Variants in STXBP5L observed in about 807,000 individuals in gnomAD.
STXBP5L encodes syntaxin-binding protein 5-like.
In STXBP5L, 65 loss-of-function variants were observed where a neutral mutation model predicts 144.5. That is an observed-to-expected ratio of 0.45 (90% CI 0.37 to 0.55). STXBP5L has a LOEUF of 0.55. Among genes scored for constraint, STXBP5L ranks in the 20% least tolerant of loss-of-function variants. The probability of loss-of-function intolerance (pLI) is 0.00; values close to 1 mark genes in which losing one functional copy is unlikely to be tolerated. For missense variants in STXBP5L, 1,298 were observed against 1,405.5 expected, an observed-to-expected ratio of 0.92 and a Z score of 1.22; for synonymous variants, 505 against 469.6, an observed-to-expected ratio of 1.08 and a Z score of -0.97.
chr3:121,398,492 T>C (rs1256201326), intron 22 of STXBP5L, among the ~76,000 whole-genome samples: 2 of 152,252 alleles, frequency 1.3e-5, no homozygotes, highest in Non-Finnish European at 2.9e-5. Context: ...CGGGTTCCCA[T>C]CTTTATCAAA....
chr3:121,295,677 C>T (rs1405800775), intron 19 of STXBP5L, among the ~76,000 whole-genome samples: 1 of 151,996 alleles, frequency 6.6e-6, no homozygotes, highest in East Asian at 1.9e-4. Flanking sequence ...AACATTGTAC[C>T]CCAGGGATAT....
At chr3:121,343,849 A>G (rs978002398) in intron 20 of STXBP5L, among the ~76,000 whole-genome samples, 1 of 152,148 alleles carries the variant, frequency 6.6e-6, no homozygotes, top group African/African-American at 2.4e-5. Context: ...ATTCAATGCC[A>G]TCCCCATCAG....
chr3:120,962,116 G>A (rs1938910170), intron 3 of STXBP5L, among the ~76,000 whole-genome samples: 4 of 150,896 alleles, frequency 2.7e-5, no homozygotes, highest in African/African-American at 7.4e-5. Context: ...CTTTTCGATG[G>A]GGTTGTTTGT....
At chr3:120,951,290 A>G (rs985978318) in intron 2 of STXBP5L, among the ~76,000 whole-genome samples, 1 of 152,210 alleles carries the variant, frequency 6.6e-6, no homozygotes, top group African/African-American at 2.4e-5. Context: ...AACAAAAGCC[A>G]AAATTGACAA....
intron 5 of STXBP5L, among the ~76,000 whole-genome samples, chr3:121,112,652 C>T (rs2044044150): frequency 6.6e-6 from 1 of 151,442 alleles, no homozygotes; most frequent in South Asian, 2.1e-4. Flanking sequence ...AAGAGTTATT[C>T]GGTGAAGATT....
intron 3 of STXBP5L, among the ~76,000 whole-genome samples, chr3:121,007,687 A>G (rs79405314): frequency 0.12 from 18,227 of 152,020 alleles, 1,145 homozygotes; most frequent in Non-Finnish European, 0.14. Flanking sequence ...TGTTGTTTAC[A>G]TAGGCAGAAT....
At chr3:121,291,771 C>T (rs1437287123) in intron 19 of STXBP5L, among the ~76,000 whole-genome samples, 1 of 151,924 alleles carries the variant, frequency 6.6e-6, no homozygotes, top group Non-Finnish European at 1.5e-5. Context: ...GCAGCCAACT[C>T]ATCAACAAAG....
chr3:121,297,802 T>C (rs1034079940), intron 19 of STXBP5L, among the ~76,000 whole-genome samples: 3 of 152,116 alleles, frequency 2.0e-5, no homozygotes, highest in Admixed American at 1.3e-4. Flanking sequence ...TGAGTAAATA[T>C]GTTGGGGAAT....
At chr3:121,378,587 A>T in intron 20 of STXBP5L, 129 bp from the exon 21 acceptor site, 2 of 1,093,184 alleles carry the variant, frequency 1.8e-6, no homozygotes, top group Non-Finnish European at 2.5e-6. Flanking sequence ...ACAAGGACTT[A>T]ACTATATTCA....
At chr3:121,237,419 C>T (rs1158901575) in intron 12 of STXBP5L, among the ~76,000 whole-genome samples, 1 of 152,306 alleles carries the variant, frequency 6.6e-6, no homozygotes, top group Admixed American at 6.5e-5. Context: ...CTAGGCCTGT[C>T]CCCCAAAACC....
chr3:120,931,849 T>G (rs1709958717), intron 2 of STXBP5L, among the ~76,000 whole-genome samples: 1 of 152,192 alleles, frequency 6.6e-6, no homozygotes, highest in South Asian at 2.1e-4. Context: ...GTTATGTAAT[T>G]GTTGGATAAC....
chr3:121,250,712 T>C lies in STXBP5L; in HGVS notation c.1401-11T>C. 6.2e-7 allele frequency: 1 copy of C among 1,603,592 alleles called. No individual in the cohort carries two copies. Among genetic ancestry groups the C allele is most frequent in the Non-Finnish European group, 8.5e-7 (1 of 1,174,108 alleles). Reference sequence around the variant, plus strand: ...TATACTTTAATTAATGCTAATTTATTTCTCATCTAGTCATGCAGATGGATC... The same window carrying C: ...TATACTTTAATTAATGCTAATTTATCTCTCATCTAGTCATGCAGATGGATC... On this transcript the variant is annotated splice_polypyrimidine_tract_variant and intron_variant, in intron 14 of 26. Coordinates refer to ENST00000471454, the MANE Select transcript of STXBP5L (RefSeq NM_001308330.2).
chr3:121,142,241 G>A (rs1376363587), intron 7 of STXBP5L, among the ~76,000 whole-genome samples: 1 of 151,712 alleles, frequency 6.6e-6, no homozygotes, highest in Admixed American at 6.6e-5. Context: ...TCTGATATCA[G>A]AGCACCTAAA....
chr3:121,170,093 C>T (rs1252418039), intron 9 of STXBP5L, among the ~76,000 whole-genome samples: 4 of 152,028 alleles, frequency 2.6e-5, no homozygotes, highest in Admixed American at 2.6e-4. Flanking sequence ...CTCCTGACTA[C>T]CAGTCAGTAA....
intron 16 of STXBP5L, 91 bp from the exon 17 acceptor site, chr3:121,257,069 AT>A: frequency 4.0e-6 from 4 of 1,003,726 alleles, no homozygotes; most frequent in Non-Finnish European, 5.8e-6. Flanking sequence ...GTTATCAGGT[AT>A]TTTAATGTGA....
At chr3:121,096,233 A>T (rs544728558) in intron 5 of STXBP5L, among the ~76,000 whole-genome samples, 1 of 152,120 alleles carries the variant, frequency 6.6e-6, no homozygotes, top group African/African-American at 2.4e-5. Context: ...ATATTTGGCT[A>T]TCTTGGAACC....
intron 22 of STXBP5L, among the ~76,000 whole-genome samples, chr3:121,404,022 A>T (rs963682901): frequency 2.0e-5 from 3 of 152,146 alleles, no homozygotes; most frequent in Non-Finnish European, 4.4e-5. Flanking sequence ...TGGATCATAC[A>T]TTTATATTTA....
At chr3:121,127,764 T>G (rs1018605473) in intron 7 of STXBP5L, among the ~76,000 whole-genome samples, 65 of 151,884 alleles carry the variant, frequency 4.3e-4, no homozygotes, top group Non-Finnish European at 1.2e-4. Flanking sequence ...ATGGAAAAAT[T>G]TATATAGATA....
At chr3:121,329,322 G>T (rs1339010256) in intron 20 of STXBP5L, among the ~76,000 whole-genome samples, 2 of 152,290 alleles carry the variant, frequency 1.3e-5, no homozygotes, top group East Asian at 1.9e-4. Flanking sequence ...CTGACCTAAG[G>T]ATACCTGGAG....
Sources: allele counts gnomAD v4.1 joint callset (sites outside exome capture counted in the v4.1 genomes callset), GRCh38; gene constraint gnomAD v4.1.1; transcripts MANE v1.5; gene names NCBI Gene and HGNC (gene_info 2026-07-23, HGNC 2026-07-21).